MCF2L2: variants seen among roughly 807,000 people sequenced by gnomAD.
The protein encoded by MCF2L2 is probable guanine nucleotide exchange factor MCF2L2.
A neutral mutation model predicts 150.2 loss-of-function variants in MCF2L2; 102 were observed. The observed-to-expected ratio is 0.68, with a 90% confidence interval of 0.58 to 0.80. The LOEUF is 0.80. Ranked by LOEUF, MCF2L2 falls within the 30% of genes least tolerant of loss-of-function variation. MCF2L2 has a pLI of 0.00. For synonymous variants in MCF2L2, 465 were observed against 491.3 expected (o/e 0.95, Z 0.71); for missense variants, 1,256 against 1,372.8 (o/e 0.91, Z 1.34).
At chr3:183,400,776 C>T (rs746016748) in intron 1 of MCF2L2, among the ~76,000 whole-genome samples, 1 of 151,496 alleles carries the variant, frequency 6.6e-6, no homozygotes, top group Non-Finnish European at 1.5e-5. Flanking sequence ...TTAGAAGTAT[C>T]ACATCATCAC....
At chr3:183,410,698 T>C (rs367961416) in intron 1 of MCF2L2, among the ~76,000 whole-genome samples, 4 of 152,188 alleles carry the variant, frequency 2.6e-5, no homozygotes, top group African/African-American at 9.7e-5. Context: ...TCTAAGTATT[T>C]TACATTCTTA....
intron 15 of MCF2L2, chr3:183,258,525 C>G (rs1291535472): frequency 6.6e-6 from 1 of 152,288 alleles, no homozygotes; most frequent in African/African-American, 2.4e-5. Context: ...CCCCAGTTTC[C>G]ATCTTCTCCC....
Position 183,270,636 on chromosome 3 carries a change from TAC to T in MCF2L2, c.1862+6234_1862+6235del. The T allele has an allele frequency of 1.2e-6, 2 of 1,614,186 alleles. No individual in the cohort carries two copies. The highest frequency in any genetic ancestry group is 1.7e-6 in the Non-Finnish European group (2 of 1,180,046). On this transcript the variant is annotated intron_variant, in intron 15 of 29. Coordinates refer to ENST00000328913, the MANE Select transcript of MCF2L2 (RefSeq NM_015078.4). The surrounding 1 kb of genome is among the most constrained non-coding windows in gnomAD (Gnocchi z 4.5). Reference sequence around the variant, plus strand: ...ATCACAGACACTAAATTCAAGTCTTTACATAGACGATGTGTTCATGGGCCTCT... The same window carrying T: ...ATCACAGACACTAAATTCAAGTCTTTATAGACGATGTGTTCATGGGCCTCT...
chr3:183,366,771 T>G (rs1712546983), intron 3 of MCF2L2, among the ~76,000 whole-genome samples: 1 of 152,238 alleles, frequency 6.6e-6, no homozygotes. Context: ...ACTTCCTGGT[T>G]GACAGCTTGC....
rs549307338 is a variant in MCF2L2, at chr3:183,178,186, G to T, written c.*1194C>A. 2.0e-4 allele frequency: 31 copies of T among 152,330 alleles called. No individual in the cohort carries two copies. The highest frequency in any genetic ancestry group is 7.5e-4 in the African/African-American group (31 of 41,556). The allele number at this position is 152,330 out of a possible 1,614,324, so 9.4% of individuals were successfully genotyped here. On this transcript the variant is annotated 3_prime_UTR_variant, in exon 30 of 30. Transcript: ENST00000328913. ...TAAAGATAATTAAAAATAAATTCCG[G>T]CTGGGCGCGGTGGCTCACGCCTGTA...
intron 15 of MCF2L2, chr3:183,272,781 A>C: frequency 8.8e-7 from 1 of 1,131,410 alleles, no homozygotes; most frequent in Non-Finnish European, 1.1e-6. Context: ...TTTTGCCCAT[A>C]TATACCCTGT....
chr3:183,421,321 A>G (rs74673205), intron 1 of MCF2L2, among the ~76,000 whole-genome samples: 2,385 of 152,290 alleles, frequency 0.016, 68 homozygotes, highest in African/African-American at 0.054. Flanking sequence ...CTAGTGTCTC[A>G]CATTTTTCTA....
intron 2 of MCF2L2, 88 bp from the exon 3 acceptor site, chr3:183,379,499 C>T: frequency 1.2e-6 from 1 of 808,414 alleles, no homozygotes. Flanking sequence ...ATATCGGTCA[C>T]CTCTTTTCCT....
At chr3:183,403,127 C>CTGGG in intron 1 of MCF2L2, among the ~76,000 whole-genome samples, 1 of 152,072 alleles carries the variant, frequency 6.6e-6, no homozygotes, top group East Asian at 1.9e-4. Flanking sequence ...TAAAAATTAG[C>CTGGG]TGGGTGTGGT....
chr3:183,413,442 C>T (rs7637045), intron 1 of MCF2L2, among the ~76,000 whole-genome samples: 30,091 of 152,122 alleles, frequency 0.2, 3,138 homozygotes, highest in African/African-American at 0.27. Context: ...ATGGGTCTTA[C>T]AATGCAGTCC....
intron 1 of MCF2L2, among the ~76,000 whole-genome samples, chr3:183,392,716 AC>A (rs1031469324): frequency 1.6e-4 from 24 of 152,214 alleles, no homozygotes; most frequent in African/African-American, 5.1e-4. Flanking sequence ...CTGCAGATAC[AC>A]CCAGCCTTCA....
In MCF2L2 at chr3:183,428,232, T is replaced by C. The variant is rs1052949306; in HGVS notation, c.-255A>G. ...TGGACCGAGAGAGGAGCGGCCGTTC[T>C]GCAAAAGGAAGCAAGTCGCCAATCT... On this transcript the variant is annotated 5_prime_UTR_variant, in exon 1 of 30. Transcript: ENST00000328913. The surrounding 1 kb of genome is among the most constrained non-coding windows in gnomAD (Gnocchi z 5.1). The C allele has an allele frequency of 6.5e-6, 3 of 459,568 alleles. No homozygotes were observed. Among genetic ancestry groups the C allele is most frequent in the Non-Finnish European group, 1.2e-5 (3 of 260,512 alleles). The allele number at this position is 459,568 out of a possible 1,614,324, so 28.5% of individuals were successfully genotyped here. A position where few individuals can be genotyped will look rare whatever the true frequency, so the allele number is the denominator to read the frequency against.
Position 183,209,645 on chromosome 3 carries a change from T to A in MCF2L2, c.2497-1822A>T, listed in dbSNP as rs1238940944. Among the ~76,000 whole-genome samples the A allele has an allele frequency of 2.6e-5, 4 of 152,196 alleles. No individual in the cohort carries two copies. In the East Asian group the frequency reaches 5.8e-4, roughly 22 times the overall value. ...CTTGGATTACAGGCGTGCATTACCATGCCCGGCTAATTTTTGTATTTTTAG... is the reference window on the plus strand; with the variant it reads ...CTTGGATTACAGGCGTGCATTACCAAGCCCGGCTAATTTTTGTATTTTTAG... On this transcript the variant is annotated intron_variant, in intron 22 of 29. Transcript: ENST00000328913.
intron 3 of MCF2L2, among the ~76,000 whole-genome samples, chr3:183,347,934 C>T (rs187069541): frequency 4.6e-5 from 7 of 152,278 alleles, no homozygotes; most frequent in South Asian, 2.1e-4. Flanking sequence ...GAAATAGGAA[C>T]GCTTTTACAC....
At chr3:183,201,300 G>C (rs913968526) in intron 25 of MCF2L2, among the ~76,000 whole-genome samples, 9 of 152,016 alleles carry the variant, frequency 5.9e-5, no homozygotes, top group Non-Finnish European at 8.8e-5. Flanking sequence ...CTTTTATTTT[G>C]TTGAGCAGTG....
At chr3:183,408,873 C>A (rs766309085) in intron 1 of MCF2L2, among the ~76,000 whole-genome samples, 118 of 152,330 alleles carry the variant, frequency 7.7e-4, no homozygotes, top group Admixed American at 7.2e-4. Context: ...TTATAACTCC[C>A]TCACAGTAAA....
chr3:183,207,424 C>G (rs1269688934), intron 23 of MCF2L2, among the ~76,000 whole-genome samples, 184 bp downstream of exon 23: 1 of 152,206 alleles, frequency 6.6e-6, no homozygotes, highest in East Asian at 1.9e-4. Flanking sequence ...TATGCCAGCC[C>G]TGGCCCATAA....
At position 183,270,065 on chromosome 3, in the gene MCF2L2, C is replaced by G; in HGVS notation, c.1862+6807G>C. The G allele has an allele frequency of 6.2e-7, 1 of 1,614,182 alleles. No homozygotes were observed. Among genetic ancestry groups the G allele is most frequent in the South Asian group, 1.1e-5 (1 of 91,086 alleles). Reference sequence around the variant, plus strand: ...AAAAGTGTCAAGCTCAAGACGTCCTCCTTTTACTGTTTGTAAAAACTGCTC... The same window carrying G: ...AAAAGTGTCAAGCTCAAGACGTCCTGCTTTTACTGTTTGTAAAAACTGCTC... On this transcript the variant is annotated intron_variant, in intron 15 of 29. Transcript: ENST00000328913. This position sits in a 1 kb window ranked among gnomAD's most constrained non-coding sequence, Gnocchi z 4.5.
intron 5 of MCF2L2, among the ~76,000 whole-genome samples, chr3:183,330,749 A>G (rs755633786): frequency 6.6e-6 from 1 of 151,798 alleles, no homozygotes; most frequent in Admixed American, 6.6e-5. Flanking sequence ...TATATTCTAT[A>G]TAGTGAAGAA....
Sources: gnomAD v4.1 joint callset for allele counts (sites outside exome capture counted in the v4.1 genomes callset) on GRCh38, gnomAD v4.1.1 for gene constraint, Gnocchi (gnomAD v3.1) non-coding constraint, MANE v1.5 for transcripts, NCBI Gene and HGNC (gene_info 2026-07-23, HGNC 2026-07-21) for gene names.